Variants in TRIML1 observed in about 807,000 individuals in gnomAD.
TRIML1 encodes probable E3 ubiquitin-protein ligase TRIML1.
Under a neutral mutation model 32.3 loss-of-function variants are expected in TRIML1, and 34 were observed. The ratio of observed to expected loss-of-function variants is 1.05; its 90% CI spans 0.80 to 1.40. TRIML1 has a LOEUF of 1.40. Among genes scored for constraint, TRIML1 ranks in the 40% most tolerant of loss-of-function variants. The pLI is 0.00. For missense variants in TRIML1, 595 were observed against 574.9 expected, an observed-to-expected ratio of 1.03 and a Z score of -0.36; for synonymous variants, 244 against 226.6, an observed-to-expected ratio of 1.08 and a Z score of -0.69.
chr4:188,142,630 C>T, intron 3 of TRIML1, 148 bp downstream of exon 3: 1 of 541,076 alleles, frequency 1.8e-6, no homozygotes, highest in Non-Finnish European at 3.2e-6. Flanking sequence ...TTCTATATGT[C>T]AATAAAGCCT....
At chr4:188,150,642 C>T (rs563143139), downstream of TRIML1, among the ~76,000 whole-genome samples, 2 of 151,888 alleles carry the variant, frequency 1.3e-5, no homozygotes, top group African/African-American at 4.8e-5. Flanking sequence ...TACATCCTTT[C>T]CTTTCCTTCT....
chr4:188,137,725 C>T (rs1156570187), upstream of TRIML1, among the ~76,000 whole-genome samples: 1 of 151,840 alleles, frequency 6.6e-6, no homozygotes, highest in Non-Finnish European at 1.5e-5. Context: ...GATCTGCCTG[C>T]CTCAGCCTCC....
Position 188,139,852 on chromosome 4 carries a change from G to A in TRIML1, c.294G>A (p.Met98Ile), listed in dbSNP as rs776563987. The change falls in exon 1 of 6, where the codon ATG (methionine) becomes ATA (isoleucine). Residue 98 changes from methionine to isoleucine, a missense_variant. Coordinates refer to ENST00000332517, the MANE Select transcript of TRIML1 (RefSeq NM_178556.5). ...SEDEQGSYGR[M>I]PTTAKALSDD... ...ATGAGCAGGGCAGCTACGGGAGGAT[G>A]CCCACCACTGCCAAGGCGCTCTCCG... 1.2e-6 allele frequency: 2 copies of A among 1,613,808 alleles called. No homozygotes were observed. The highest frequency in any genetic ancestry group is 2.2e-5 in the South Asian group (2 of 91,074).
intron 5 of TRIML1, among the ~76,000 whole-genome samples, chr4:188,146,577 G>A (rs991149927): frequency 5.9e-5 from 9 of 151,954 alleles, no homozygotes; most frequent in Admixed American, 5.3e-4. Flanking sequence ...GCCTGGCTAT[G>A]TTTTGTATTT....
chr4:188,148,060 G>A (rs1735153817), downstream of TRIML1, among the ~76,000 whole-genome samples: 1 of 152,212 alleles, frequency 6.6e-6, no homozygotes. Flanking sequence ...TGTCTGTTCA[G>A]TAAATGTATC....
At chr4:188,140,319 A>C (rs1474748282) in intron 1 of TRIML1, among the ~76,000 whole-genome samples, 1 of 151,914 alleles carries the variant, frequency 6.6e-6, no homozygotes, top group East Asian at 1.9e-4. Context: ...ACGGGGTTTC[A>C]CCATGTTGGC....
intron 2 of TRIML1, 45 bp from the exon 3 acceptor site, chr4:188,142,207 C>CGT (rs61461219): frequency 0.071 from 70,359 of 996,896 alleles, 848 homozygotes; most frequent in East Asian, 0.2. Context: ...AACTTTATCT[C>CGT]GTGTGTGTGT....
chr4:188,150,076 T>G (rs746947349), downstream of TRIML1, among the ~76,000 whole-genome samples: 5 of 152,032 alleles, frequency 3.3e-5, no homozygotes, highest in Non-Finnish European at 7.4e-5. Context: ...AGTGTTGAGA[T>G]TAGAGACGTG....
Position 188,141,164 on chromosome 4 carries a change from T to G in TRIML1, c.504+541T>G, listed in dbSNP as rs1734837616. Among the ~76,000 whole-genome samples the G allele has an allele frequency of 2.4e-5, 3 of 127,174 alleles. No individual in the cohort carries two copies. The South Asian group carries it at 9.0e-4, about 38-fold the overall frequency. 83.4% of individuals were successfully genotyped at this position (127,174 alleles called of 152,430 possible). A position where few individuals can be genotyped will look rare whatever the true frequency, so the allele number is the denominator to read the frequency against. On this transcript the variant is annotated intron_variant, in intron 2 of 5. Coordinates refer to ENST00000332517, the MANE Select transcript of TRIML1 (RefSeq NM_178556.5). ...GATTCTCCCAATAGACTTTGAAATC[T>G]GTTTTTTTTTTTTTTTTTTTGGAGA...
At chr4:188,142,658 GAGA>G (rs1734907429) in intron 3 of TRIML1, among the ~76,000 whole-genome samples, 176 bp downstream of exon 3, 1 of 144,400 alleles carries the variant, frequency 6.9e-6, no homozygotes, top group African/African-American at 2.7e-5. Context: ...GAGAGAGAGA[GAGA>G]AAAAAAAAAA....
rs1735098440 is a variant in TRIML1 at position 188,146,811 on chromosome 4, T to C, written c.857-11T>C. ...TGCCCAAGGGAAATCTCTTCTTTCC[T>C]CCTCTTGCAGCGGAGATAACGCTGG... On this transcript the variant is annotated splice_polypyrimidine_tract_variant and intron_variant, in intron 5 of 5. Coordinates refer to ENST00000332517, the MANE Select transcript of TRIML1 (RefSeq NM_178556.5). 1 of 1,356,618 alleles carries C rather than the reference T, an allele frequency of 7.4e-7. No homozygotes were observed. Among genetic ancestry groups the C allele is most frequent in the East Asian group, 2.7e-5 (1 of 37,242 alleles). 84.0% of individuals were successfully genotyped at this position (1,356,618 alleles called of 1,614,324 possible).
chr4:188,143,779 ATT>A lies in TRIML1; in HGVS notation c.736-57_736-56del, dbSNP rs1490376020. On this transcript the variant is annotated intron_variant, in intron 3 of 5. Coordinates refer to ENST00000332517, the MANE Select transcript of TRIML1 (RefSeq NM_178556.5). ...TTTGCAAGGACTGTATGCAAAATGAATTTCGTCTGTGTTATGATCAAAGCGCA... is the reference window on the plus strand; with the variant it reads ...TTTGCAAGGACTGTATGCAAAATGAATCGTCTGTGTTATGATCAAAGCGCA... 160 of 1,604,324 alleles carry A rather than the reference ATT, an allele frequency of 1.0e-4. 4 individuals carry two copies. The Middle Eastern group carries it at 1.2e-3, about 12-fold the overall frequency.
intron 2 of TRIML1, 156 bp downstream of exon 2, chr4:188,140,779 G>A (rs1253746176): frequency 1.5e-5 from 9 of 592,796 alleles, no homozygotes; most frequent in East Asian, 1.2e-4. Context: ...TCTTCTGAGC[G>A]TCCTCGTGGG....
Position 188,147,417 on chromosome 4 carries a change from G to A in TRIML1, c.*45G>A. On this transcript the variant is annotated 3_prime_UTR_variant, in exon 6 of 6. Coordinates refer to ENST00000332517, the MANE Select transcript of TRIML1 (RefSeq NM_178556.5). ...CACAGCGGGCGATGTCTGAGACCAA[G>A]ACACAACTATTAAGACGATGAAGGC... The A allele has an allele frequency of 1.4e-6, 2 of 1,431,914 alleles. No individual in the cohort carries two copies. Among genetic ancestry groups the A allele is most frequent in the South Asian group, 3.3e-5 (2 of 59,958 alleles). 88.7% of individuals were successfully genotyped at this position (1,431,914 alleles called of 1,614,324 possible). A position where few individuals can be genotyped will look rare whatever the true frequency, so the allele number is the denominator to read the frequency against.
chr4:188,145,736 G>A (rs1231353645), intron 5 of TRIML1, among the ~76,000 whole-genome samples: 3 of 152,084 alleles, frequency 2.0e-5, no homozygotes, highest in African/African-American at 7.2e-5. Flanking sequence ...AGAATCACTT[G>A]AACCTGGGAG....
chr4:188,138,774 AG>A (rs1734742966), upstream of TRIML1, among the ~76,000 whole-genome samples: 1 of 72,620 alleles, frequency 1.4e-5, no homozygotes, highest in South Asian at 3.1e-4. Context: ...ATAGTGGGAT[AG>A]CCTCTTGAGG....
chr4:188,139,396 T>A, upstream of TRIML1: 1 of 676,376 alleles, frequency 1.5e-6, no homozygotes, highest in East Asian at 2.7e-5. Context: ...TTGGACAGTG[T>A]ATGTCAGCTG....
chr4:188,139,323 G>A (rs1327327736), upstream of TRIML1: 5 of 407,936 alleles, frequency 1.2e-5, no homozygotes, highest in South Asian at 1.4e-4. Flanking sequence ...AAGTCTCAAA[G>A]TTTGGGGTTG....
At position 188,146,813 on chromosome 4, in the gene TRIML1, C is replaced by A; in HGVS notation, c.857-9C>A. The A allele has an allele frequency of 7.4e-7, 1 of 1,356,428 alleles. No individual in the cohort carries two copies. Among genetic ancestry groups the A allele is most frequent in the Middle Eastern group, 2.0e-4 (1 of 5,084 alleles). The allele number at this position is 1,356,428 out of a possible 1,614,324, so 84.0% of individuals were successfully genotyped here. A position where few individuals can be genotyped will look rare whatever the true frequency, so the allele number is the denominator to read the frequency against. On this transcript the variant is annotated splice_polypyrimidine_tract_variant and intron_variant, in intron 5 of 5. Coordinates refer to ENST00000332517, the MANE Select transcript of TRIML1 (RefSeq NM_178556.5). ...CCCAAGGGAAATCTCTTCTTTCCTC[C>A]TCTTGCAGCGGAGATAACGCTGGAC...
Sources: allele counts gnomAD v4.1 joint callset (sites outside exome capture counted in the v4.1 genomes callset), GRCh38; gene constraint gnomAD v4.1.1; transcripts MANE v1.5; gene names NCBI Gene and HGNC (gene_info 2026-07-23, HGNC 2026-07-21).